PTPN14: variants seen among roughly 807,000 people sequenced by gnomAD.
PTPN14 encodes protein tyrosine phosphatase non-receptor type 14.
Under a neutral mutation model 126.8 loss-of-function variants are expected in PTPN14, and 53 were observed. The observed-to-expected ratio is 0.42, with a 90% confidence interval of 0.34 to 0.53. The LOEUF (loss-of-function observed/expected upper bound fraction) is 0.53, where lower values mean the gene tolerates loss of function less well. Ranked by LOEUF, PTPN14 falls within the 20% of genes least tolerant of loss-of-function variation. The pLI is 0.08. For synonymous variants in PTPN14, 630 were observed against 599.3 expected, an observed-to-expected ratio of 1.05 and a Z score of -0.75; for missense variants, 1,257 against 1,552.9, an observed-to-expected ratio of 0.81 and a Z score of 3.20.
intron 2 of PTPN14, among the ~76,000 whole-genome samples, chr1:214,460,287 T>G (rs1278690308): frequency 6.6e-6 from 1 of 152,104 alleles, no homozygotes; most frequent in Admixed American, 6.5e-5. Flanking sequence ...AATACTATCC[T>G]ATAGATCTAG....
At chr1:214,544,702 G>T (rs1450162120) in intron 1 of PTPN14, among the ~76,000 whole-genome samples, 1 of 151,946 alleles carries the variant, frequency 6.6e-6, no homozygotes, top group Admixed American at 6.6e-5. Context: ...AGTGAGCCGA[G>T]ATAGCACCAC....
intron 3 of PTPN14, among the ~76,000 whole-genome samples, chr1:214,449,278 T>C (rs1313540038): frequency 6.6e-6 from 1 of 152,070 alleles, no homozygotes; most frequent in East Asian, 1.9e-4. Flanking sequence ...AGTGCTGGGA[T>C]TACAGGCGTG....
At position 214,372,870 on chromosome 1, in the gene PTPN14, A is replaced by G. The variant is rs13343111; in HGVS notation, c.2908-31T>C. ...AACCAAGAAAAGTATCGGTAAATAA[A>G]CCCCAAGTCCGGACAACATTACCTG... On this transcript the variant is annotated intron_variant, in intron 15 of 18. Coordinates refer to ENST00000366956, the MANE Select transcript of PTPN14 (RefSeq NM_005401.5). The G allele has an allele frequency of 3.6e-4, 576 of 1,611,848 alleles. 1 individual carries two copies. In the African/African-American group the frequency reaches 7.0e-3, roughly 19 times the overall value.
intron 1 of PTPN14, among the ~76,000 whole-genome samples, chr1:214,501,153 T>C (rs1233053295): frequency 6.6e-6 from 1 of 152,236 alleles, no homozygotes; most frequent in African/African-American, 2.4e-5. Flanking sequence ...ATTCGTCTTT[T>C]CATATTTTAA....
At chr1:214,515,854 CT>C (rs1210438414) in intron 1 of PTPN14, among the ~76,000 whole-genome samples, 1 of 151,942 alleles carries the variant, frequency 6.6e-6, no homozygotes, top group Non-Finnish European at 1.5e-5. Flanking sequence ...AGGGATTTTC[CT>C]TTCTACTTCC....
At position 214,416,060 on chromosome 1, in the gene PTPN14, GC is replaced by G. The variant is rs375491504; in HGVS notation, c.345-1335del. ...TTTCTGGAGTGGTTTTGACTTATTT[GC>G]TGCTCTCCAAGCCAGAAAGACAAAC... On this transcript the variant is annotated intron_variant, in intron 3 of 18. Coordinates refer to ENST00000366956, the MANE Select transcript of PTPN14 (RefSeq NM_005401.5). 1.6e-4 allele frequency among the ~76,000 whole-genome samples: 24 copies of G among 152,116 alleles called. No individual in the cohort carries two copies. In the South Asian group the frequency reaches 4.2e-3, roughly 27 times the overall value.
chr1:214,413,518 C>T (rs1052001985), intron 4 of PTPN14, among the ~76,000 whole-genome samples: 18 of 152,202 alleles, frequency 1.2e-4, no homozygotes, highest in African/African-American at 4.1e-4. Flanking sequence ...GAAGTCAGTT[C>T]ACACCTTCTA....
intron 7 of PTPN14, among the ~76,000 whole-genome samples, chr1:214,400,143 T>A (rs769002884): frequency 2.0e-5 from 3 of 152,230 alleles, no homozygotes; most frequent in Non-Finnish European, 4.4e-5. Flanking sequence ...ATGCTTTTTG[T>A]CAATAAGAAC....
At chr1:214,464,581 C>T (rs773157189) in intron 2 of PTPN14, 49 bp downstream of exon 2, 12 of 1,592,188 alleles carry the variant, frequency 7.5e-6, no homozygotes, top group Non-Finnish European at 7.7e-6. Flanking sequence ...CCTTCACATA[C>T]CCAACACGCA....
intron 3 of PTPN14, among the ~76,000 whole-genome samples, chr1:214,447,084 GC>G (rs548360896): frequency 1.3e-3 from 194 of 152,208 alleles, no homozygotes; most frequent in African/African-American, 4.3e-3. Context: ...AGATGCCAAA[GC>G]CCATCTCCAC....
At chr1:214,461,131 T>C (rs1287057603) in intron 2 of PTPN14, among the ~76,000 whole-genome samples, 1 of 65,938 alleles carries the variant, frequency 1.5e-5, no homozygotes, top group African/African-American at 7.3e-5. Context: ...ATCAAAGTCT[T>C]AAAAGTAAAA....
At chr1:214,527,558 A>G (rs764489926) in intron 1 of PTPN14, among the ~76,000 whole-genome samples, 4 of 152,318 alleles carry the variant, frequency 2.6e-5, no homozygotes, top group African/African-American at 7.2e-5. Context: ...CTAAAAATTA[A>G]TTATATATTT....
At chr1:214,465,951 C>CTTTTTTTTTTTCTTTTTTTTTTTTTTT (rs1660625893) in intron 1 of PTPN14, among the ~76,000 whole-genome samples, 1 of 59,024 alleles carries the variant, frequency 1.7e-5, no homozygotes, top group African/African-American at 6.9e-5. Flanking sequence ...CAGTTACTTC[C>CTTTTTTTTTTTCTTTTTTTTTTTTTTT]TTTTTTTTTT....
At chr1:214,402,644 A>AG (rs1659051976) in intron 6 of PTPN14, among the ~76,000 whole-genome samples, 1 of 19,122 alleles carries the variant, frequency 5.2e-5, no homozygotes, top group Non-Finnish European at 1.0e-4. Flanking sequence ...GAAGGAAGGA[A>AG]GGAAGGAAGG....
chr1:214,424,703 T>C (rs1047402777), intron 3 of PTPN14, among the ~76,000 whole-genome samples: 13 of 152,082 alleles, frequency 8.5e-5, no homozygotes, highest in Admixed American at 7.2e-4. Flanking sequence ...AACTTTGTTT[T>C]ATTATTTTTT....
intron 2 of PTPN14, among the ~76,000 whole-genome samples, chr1:214,454,739 T>C (rs543443668): frequency 2.6e-5 from 4 of 152,352 alleles, no homozygotes; most frequent in Non-Finnish European, 4.4e-5. Flanking sequence ...TCACTGCTGT[T>C]GTACAGCACC....
At chr1:214,380,021 T>C (rs1346282405) in intron 13 of PTPN14, among the ~76,000 whole-genome samples, 2 of 152,232 alleles carry the variant, frequency 1.3e-5, no homozygotes, top group East Asian at 1.9e-4. Context: ...AAAGATATAA[T>C]ATTCTTACAA....
chr1:214,495,996 CAT>C (rs1231330850), intron 1 of PTPN14, among the ~76,000 whole-genome samples: 1 of 152,124 alleles, frequency 6.6e-6, no homozygotes, highest in African/African-American at 2.4e-5. Flanking sequence ...CACTCGGCCT[CAT>C]GTGTTATTTT....
At chr1:214,430,402 C>T (rs950583500) in intron 3 of PTPN14, among the ~76,000 whole-genome samples, 2 of 152,166 alleles carry the variant, frequency 1.3e-5, no homozygotes, top group African/African-American at 4.8e-5. Context: ...GTCAATTTGG[C>T]TAGGCCACGA....
Sources: gnomAD v4.1 joint callset for allele counts (sites outside exome capture counted in the v4.1 genomes callset) on GRCh38, gnomAD v4.1.1 for gene constraint, MANE v1.5 for transcripts, NCBI Gene and HGNC (gene_info 2026-07-23, HGNC 2026-07-21) for gene names.